RASGRF2: variants seen among roughly 807,000 people sequenced by gnomAD.
RASGRF2 encodes Ras protein specific guanine nucleotide releasing factor 2.
In RASGRF2, 76 loss-of-function variants were observed where a neutral mutation model predicts 151.0. That is an observed-to-expected ratio of 0.50 (90% CI 0.42 to 0.61). The LOEUF is 0.61. Ranked by LOEUF, RASGRF2 falls within the 20% of genes least tolerant of loss-of-function variation. RASGRF2 has a pLI of 0.00. For synonymous variants in RASGRF2, 504 were observed against 566.5 expected (o/e 0.89, Z 1.57); for missense variants, 1,148 against 1,564.6 (o/e 0.73, Z 4.49).
intron 18 of RASGRF2, among the ~76,000 whole-genome samples, chr5:81,192,838 G>A (rs191162972): frequency 2.2e-4 from 33 of 152,078 alleles, no homozygotes; most frequent in African/African-American, 7.0e-4. Context: ...AAACTGGCCC[G>A]AGTCTAAACT....
intron 24 of RASGRF2, chr5:81,217,143 C>T (rs773085302): frequency 3.7e-5 from 25 of 667,248 alleles, no homozygotes; most frequent in East Asian, 6.9e-5. Context: ...TTTTCAAACA[C>T]GTAGTAAAGC....
At chr5:81,131,999 G>A (rs900875961) in intron 17 of RASGRF2, among the ~76,000 whole-genome samples, 2 of 152,172 alleles carry the variant, frequency 1.3e-5, no homozygotes, top group Non-Finnish European at 2.9e-5. Context: ...TTTAGCAGAA[G>A]CATTATTGTC....
At chr5:81,140,781 A>G (rs934833340) in intron 17 of RASGRF2, among the ~76,000 whole-genome samples, 1 of 152,084 alleles carries the variant, frequency 6.6e-6, no homozygotes, top group African/African-American at 2.4e-5. Context: ...GTCTCTTCTC[A>G]GCAAAGGTAC....
At chr5:80,981,474 T>C (rs1469097547) in intron 1 of RASGRF2, among the ~76,000 whole-genome samples, 1 of 152,190 alleles carries the variant, frequency 6.6e-6, no homozygotes, top group African/African-American at 2.4e-5. Context: ...CATTTGTTGT[T>C]GCTGAGCTCT....
chr5:81,083,666 C>T (rs1561599677), intron 7 of RASGRF2, among the ~76,000 whole-genome samples: 1 of 152,194 alleles, frequency 6.6e-6, no homozygotes, highest in African/African-American at 2.4e-5. Context: ...TTATTAAAGA[C>T]AGTGGCTTGG....
Position 81,001,661 on chromosome 5 carries a change from C to T in RASGRF2, c.288+40635C>T, listed in dbSNP as rs142909391. 5.1e-4 allele frequency among the ~76,000 whole-genome samples: 77 copies of T among 152,332 alleles called. No homozygotes were observed. The East Asian group carries it at 0.013, about 26-fold the overall frequency. On this transcript the variant is annotated intron_variant, in intron 1 of 26. Transcript: ENST00000265080. ...AAGAGCCTTCCCACAGTCATCTACA[C>T]ATACTGTTCTCCTCTTGTGAAAACC...
At chr5:81,079,943 T>C (rs1331897917) in intron 5 of RASGRF2, among the ~76,000 whole-genome samples, 178 bp from the exon 6 acceptor site, 2 of 152,134 alleles carry the variant, frequency 1.3e-5, no homozygotes, top group East Asian at 3.8e-4. Context: ...CAGGGTTTGC[T>C]GAGGCTGTCA....
Position 81,113,916 on chromosome 5 carries a change from A to G in RASGRF2, c.2466A>G (p.Gln822=). 6.2e-7 allele frequency: 1 copy of G among 1,612,450 alleles called. No individual in the cohort carries two copies. Among genetic ancestry groups the G allele is most frequent in the Non-Finnish European group, 8.5e-7 (1 of 1,178,976 alleles). Residue 822 remains glutamine (Q), a synonymous_variant, in exon 15 of 27, where the codon CAA becomes CAG. Coordinates refer to ENST00000265080, the MANE Select transcript of RASGRF2 (RefSeq NM_006909.3). Reference sequence around the variant, plus strand: ...GTAACAAGCTAAAACGAAGTATTCAAAAAGGTATTATCTAGCACATTTGCA... The same window carrying G: ...GTAACAAGCTAAAACGAAGTATTCAGAAAGGTATTATCTAGCACATTTGCA... The part of the protein sequence containing the change: ...DLCNKLKRSI[Q]KAVLESAPAD...
At chr5:81,133,003 A>T (rs1471949282) in intron 17 of RASGRF2, among the ~76,000 whole-genome samples, 1 of 152,206 alleles carries the variant, frequency 6.6e-6, no homozygotes, top group Non-Finnish European at 1.5e-5. Flanking sequence ...AATTCTTGGA[A>T]TCGCAACAGC....
chr5:81,138,415 C>T (rs762967435), intron 17 of RASGRF2, among the ~76,000 whole-genome samples: 1 of 152,110 alleles, frequency 6.6e-6, no homozygotes. Flanking sequence ...TGTCTTTTTC[C>T]AAGTGGGATA....
intron 1 of RASGRF2, among the ~76,000 whole-genome samples, chr5:80,986,663 C>G (rs138658996): frequency 6.6e-6 from 1 of 152,320 alleles, no homozygotes; most frequent in African/African-American, 2.4e-5. Context: ...GTTTAAGCTA[C>G]GTGTTGCAAG....
intron 18 of RASGRF2, among the ~76,000 whole-genome samples, chr5:81,185,133 G>T (rs1227527600): frequency 2.6e-5 from 4 of 152,220 alleles, no homozygotes; most frequent in Non-Finnish European, 5.9e-5. Flanking sequence ...CCTGTGGGAA[G>T]TTGAGGTAGG....
chr5:81,195,974 C>T (rs1755255813), intron 18 of RASGRF2, among the ~76,000 whole-genome samples: 1 of 152,172 alleles, frequency 6.6e-6, no homozygotes, highest in Non-Finnish European at 1.5e-5. Flanking sequence ...AAATTTTATA[C>T]ACGGCCGGGC....
Position 81,201,428 on chromosome 5 carries a change from C to T in RASGRF2, c.2892C>T (p.Ala964=), listed in dbSNP as rs751578295. 14 of 1,613,602 alleles carry T rather than the reference C, an allele frequency of 8.7e-6. No homozygotes were observed. Among genetic ancestry groups the T allele is most frequent in the South Asian group, 2.2e-5 (2 of 91,024 alleles). ...TTCTTCCCCAAGAAAGGAAAGCCGCCGCGAATATCCTCAGGTGAAGGCAGC... is the reference window on the plus strand; with the variant it reads ...TTCTTCCCCAAGAAAGGAAAGCCGCTGCGAATATCCTCAGGTGAAGGCAGC... The part of the protein sequence containing the change: ...PDLLPQERKA[A]ANILRALSQD... Residue 964 remains alanine, a synonymous_variant, in exon 19 of 27, where the codon GCC becomes GCT. Transcript: ENST00000265080.
In RASGRF2 at chr5:81,114,279, C is replaced by A. The variant is rs933243808; in HGVS notation, c.2470+359C>A. On this transcript the variant is annotated intron_variant, in intron 15 of 26. Coordinates refer to ENST00000265080, the MANE Select transcript of RASGRF2 (RefSeq NM_006909.3). ...TTTGCACACTGGGAGGTTGTGGGTACCCTCACCCGTGAGCTCAGGCTGCAG... is the reference window on the plus strand; with the variant it reads ...TTTGCACACTGGGAGGTTGTGGGTAACCTCACCCGTGAGCTCAGGCTGCAG... 7.2e-5 allele frequency among the ~76,000 whole-genome samples: 11 copies of A among 152,306 alleles called. No individual in the cohort carries two copies. The South Asian group carries it at 2.3e-3, about 32-fold the overall frequency.
rs1750041909 is a variant in RASGRF2 at position 81,026,618 on chromosome 5, A to G, written c.289-16259A>G. Among the ~76,000 whole-genome samples the G allele has an allele frequency of 3.9e-5, 6 of 152,200 alleles. 1 individual carries two copies. The South Asian group carries it at 1.2e-3, about 32-fold the overall frequency. ...GAGAATGCTTGGGAAATGGTAAAGT[A>G]ACTGTTGGATAAGCCTGCAATTCCA... On this transcript the variant is annotated intron_variant, in intron 1 of 26. Transcript: ENST00000265080.
At chr5:81,118,519 G>A (rs186564290) in intron 15 of RASGRF2, among the ~76,000 whole-genome samples, 1 of 152,222 alleles carries the variant, frequency 6.6e-6, no homozygotes, top group East Asian at 1.9e-4. Flanking sequence ...AAATACCTTT[G>A]GAGTCTTTCT....
chr5:81,008,819 T>C (rs905621212), intron 1 of RASGRF2, among the ~76,000 whole-genome samples: 1 of 152,142 alleles, frequency 6.6e-6, no homozygotes, highest in Admixed American at 6.5e-5. Flanking sequence ...CAGAATAGAA[T>C]TTTGTAGACT....
At chr5:81,165,088 G>A (rs935820892) in intron 17 of RASGRF2, among the ~76,000 whole-genome samples, 7 of 152,160 alleles carry the variant, frequency 4.6e-5, no homozygotes, top group Non-Finnish European at 7.3e-5. Flanking sequence ...AACGGTGGGC[G>A]TTTTCCAGGG....
Sources: gnomAD v4.1 joint callset for allele counts (sites outside exome capture counted in the v4.1 genomes callset) on GRCh38, gnomAD v4.1.1 for gene constraint, MANE v1.5 for transcripts, NCBI Gene and HGNC (gene_info 2026-07-23, HGNC 2026-07-21) for gene names.